The following VPS36 variants were observed in gnomAD, a reference collection of about 807,000 sequenced individuals.
The protein encoded by VPS36 is vacuolar protein sorting 36 homolog.
Under a neutral mutation model 63.5 loss-of-function variants are expected in VPS36, and 31 were observed. The ratio of observed to expected loss-of-function variants is 0.49; its 90% CI spans 0.37 to 0.66. The LOEUF (loss-of-function observed/expected upper bound fraction) is 0.66, where lower values mean the gene tolerates loss of function less well. Among genes scored for constraint, VPS36 ranks in the 30% least tolerant of loss-of-function variants. VPS36 has a pLI of 0.00. For missense variants in VPS36, 338 were observed against 463.7 expected, an observed-to-expected ratio of 0.73 and a Z score of 2.49; for synonymous variants, 138 against 157.2, an observed-to-expected ratio of 0.88 and a Z score of 0.91.
chr13:52,441,357 G>A (rs1218941974), intron 2 of VPS36, among the ~76,000 whole-genome samples: 2 of 152,122 alleles, frequency 1.3e-5, no homozygotes, highest in African/African-American at 4.8e-5. Context: ...CTATCTTACT[G>A]GCAACACTGA....
At chr13:52,440,537 C>A (rs942469086) in intron 2 of VPS36, among the ~76,000 whole-genome samples, 1 of 152,194 alleles carries the variant, frequency 6.6e-6, no homozygotes, top group African/African-American at 2.4e-5. Context: ...AGGTGATCCG[C>A]CCGCCTCAGC....
chr13:52,429,804 G>T (rs1261358141), intron 6 of VPS36, among the ~76,000 whole-genome samples: 2 of 152,062 alleles, frequency 1.3e-5, no homozygotes, highest in Non-Finnish European at 2.9e-5. Flanking sequence ...GTATCAGAAA[G>T]AAAAATACAA....
chr13:52,424,514 A>G (rs961310290), intron 9 of VPS36, among the ~76,000 whole-genome samples: 1 of 152,238 alleles, frequency 6.6e-6, no homozygotes, highest in Non-Finnish European at 1.5e-5. Context: ...ATAGGACCAG[A>G]AAAGCACACC....
chr13:52,440,301 T>C lies in VPS36; in HGVS notation c.166-1133A>G, dbSNP rs142941136. ...AGCCAGTATGTTTAATTTTTAATTT[T>C]TATTTTTTTGAGACTGAGTTTCACT... On this transcript the variant is annotated intron_variant, in intron 2 of 13. Transcript: ENST00000378060. Among the ~76,000 whole-genome samples, 557 of 151,598 alleles carry C rather than the reference T, an allele frequency of 3.7e-3. 2 individuals are homozygous for C. Among genetic ancestry groups the C allele is most frequent in the African/African-American group, 0.012 (501 of 41,310 alleles).
intron 13 of VPS36, 24 bp from the exon 14 acceptor site, chr13:52,415,947 C>T (rs1417304061): frequency 6.2e-7 from 1 of 1,612,842 alleles, no homozygotes; most frequent in South Asian, 1.1e-5. Flanking sequence ...ACAAAAAAAC[C>T]CCCACACAAT....
intron 2 of VPS36, among the ~76,000 whole-genome samples, chr13:52,440,687 G>C (rs1958267298): frequency 6.6e-6 from 1 of 152,146 alleles, no homozygotes; most frequent in Admixed American, 6.5e-5. Flanking sequence ...CTCTTTATAT[G>C]ATAATCAAAA....
At chr13:52,442,225 C>G (rs1415574637) in intron 2 of VPS36, 152 bp downstream of exon 2, 15 of 520,472 alleles carry the variant, frequency 2.9e-5, no homozygotes, top group Non-Finnish European at 6.4e-6. Context: ...GTGGCTCACT[C>G]CTGTAGCCCC....
At position 52,427,077 on chromosome 13, in the gene VPS36, AAAAGT is replaced by A. The variant is rs766566414; in HGVS notation, c.562-16_562-12del. The stretch of plus-strand genomic sequence containing the variant: ...CACCATTTCCTTAGCCTGTCAAATA[AAAAGT>A]AAAGACTGAAAAGCACTATTGTCCC... On this transcript the variant is annotated splice_polypyrimidine_tract_variant and intron_variant, in intron 7 of 13. Coordinates refer to ENST00000378060, the MANE Select transcript of VPS36 (RefSeq NM_016075.4). 5.0e-6 allele frequency: 8 copies of A among 1,608,186 alleles called. No homozygotes were observed. Among genetic ancestry groups the A allele is most frequent in the African/African-American group, 2.7e-5 (2 of 74,660 alleles).
chr13:52,450,337 G>C, intron 1 of VPS36, 162 bp downstream of exon 1: 1 of 1,185,172 alleles, frequency 8.4e-7, no homozygotes, highest in Non-Finnish European at 1.0e-6. Flanking sequence ...CCGGCGGGGA[G>C]CGCAAGAGCG....
chr13:52,444,391 C>G (rs1958313566), intron 1 of VPS36, among the ~76,000 whole-genome samples: 1 of 151,438 alleles, frequency 6.6e-6, no homozygotes, highest in Non-Finnish European at 1.5e-5. Context: ...ACCCGGGAGG[C>G]GGAGCTTGCA....
intron 6 of VPS36, among the ~76,000 whole-genome samples, chr13:52,431,762 C>CAAAAAAAAA (rs60968712): frequency 1.0e-4 from 7 of 68,058 alleles, no homozygotes; most frequent in Non-Finnish European, 1.9e-4. Flanking sequence ...GACTCTGTCT[C>CAAAAAAAAA]AAAAAAAAAA....
intron 6 of VPS36, chr13:52,429,206 A>G: frequency 2.1e-6 from 2 of 972,240 alleles, no homozygotes; most frequent in Non-Finnish European, 2.4e-6. Context: ...TACCCCCTTA[A>G]GCTGACTTAC....
chr13:52,444,387 G>C (rs1958313426), intron 1 of VPS36, among the ~76,000 whole-genome samples: 1 of 151,768 alleles, frequency 6.6e-6, no homozygotes, highest in South Asian at 2.1e-4. Flanking sequence ...ATGAACCCGG[G>C]AGGCGGAGCT....
At chr13:52,450,346 C>A in intron 1 of VPS36, 153 bp downstream of exon 1, 1 of 1,201,690 alleles carries the variant, frequency 8.3e-7, no homozygotes, top group Non-Finnish European at 1.0e-6. Flanking sequence ...AGCGCAAGAG[C>A]GCTGCACCCC....
At chr13:52,433,837 C>T (rs781707727) in intron 5 of VPS36, 89 bp from the exon 6 acceptor site, 102 of 1,127,696 alleles carry the variant, frequency 9.0e-5, no homozygotes, top group Non-Finnish European at 1.3e-4. Flanking sequence ...TTTTCAATGG[C>T]GGGAAAGGAC....
chr13:52,438,303 A>C (rs1357928314), intron 3 of VPS36, among the ~76,000 whole-genome samples: 1 of 152,022 alleles, frequency 6.6e-6, no homozygotes, highest in Non-Finnish European at 1.5e-5. Flanking sequence ...TCTATGGCTT[A>C]AAAAAAATCT....
chr13:52,450,399 G>T, intron 1 of VPS36, 100 bp downstream of exon 1: 1 of 1,333,106 alleles, frequency 7.5e-7, no homozygotes, highest in South Asian at 1.7e-5. Context: ...GAGCTAAGCC[G>T]GGGACCGGGC....
At position 52,412,771 on chromosome 13, in the gene VPS36, C is replaced by G. The variant is rs991559868; in HGVS notation, c.*3059G>C. On this transcript the variant is annotated 3_prime_UTR_variant, in exon 14 of 14. Transcript: ENST00000378060. ...CCTGTTCTCAGCTCTTAGAATACAT[C>G]CATGAACAAACCAGATAAAAACTTC... The G allele has an allele frequency of 1.2e-4, 18 of 152,132 alleles. No homozygotes were observed. The highest frequency in any genetic ancestry group is 4.3e-4 in the African/African-American group (18 of 41,430). 9.4% of individuals were successfully genotyped at this position (152,132 alleles called of 1,614,324 possible). A position where few individuals can be genotyped will look rare whatever the true frequency, so the allele number is the denominator to read the frequency against.
chr13:52,436,309 T>C lies in VPS36; in HGVS notation c.332A>G (p.Lys111Arg), dbSNP rs755336970. ...SKNSYIKLSF[K>R]EHGQIEFYRR... is the part of the protein sequence containing the mutation. The stretch of plus-strand genomic sequence containing the variant: ...ACTTACCTCAATCTGGCCATGTTCT[T>C]TGAAGGAGAGTTTGATGTAGGAGTT... The change falls in exon 4 of 14, where the codon AAA becomes AGA. Residue 111 changes from lysine to arginine, a missense_variant. Transcript: ENST00000378060. 46 of 1,611,632 alleles carry C rather than the reference T, an allele frequency of 2.9e-5. No individual in the cohort carries two copies. Among genetic ancestry groups the C allele is most frequent in the Middle Eastern group, 3.3e-4 (2 of 6,084 alleles).
Sources: allele counts gnomAD v4.1 joint callset (sites outside exome capture counted in the v4.1 genomes callset), GRCh38; gene constraint gnomAD v4.1.1; transcripts MANE v1.5; gene names NCBI Gene and HGNC (gene_info 2026-07-23, HGNC 2026-07-21).